RESF1: variants seen among roughly 807,000 people sequenced by gnomAD.
RESF1 encodes the protein gonad expressed transcript.
A neutral mutation model predicts 134.7 loss-of-function variants in RESF1; 65 were observed. The observed-to-expected ratio is 0.48, with a 90% CI of 0.40 to 0.59. The LOEUF (loss-of-function observed/expected upper bound fraction) is 0.59. RESF1 is among the 20% of genes least tolerant of loss of function. The probability of loss-of-function intolerance (pLI) is 0.00; values close to 1 mark genes in which losing one functional copy is unlikely to be tolerated. For missense variants in RESF1, 2,274 were observed against 2,002.7 expected, an observed-to-expected ratio of 1.14 and a Z score of -2.59; for synonymous variants, 762 against 702.2, an observed-to-expected ratio of 1.09 and a Z score of -1.35.
intron 5 of RESF1, among the ~76,000 whole-genome samples, chr12:31,991,382 T>C (rs1273441273): frequency 6.6e-6 from 1 of 152,116 alleles, no homozygotes; most frequent in African/African-American, 2.4e-5. Context: ...AACGAAAAAG[T>C]GGAAGACTGC....
At chr12:31,973,377 A>G (rs1939557412) in intron 3 of RESF1, among the ~76,000 whole-genome samples, 1 of 151,764 alleles carries the variant, frequency 6.6e-6, no homozygotes, top group African/African-American at 2.4e-5. Flanking sequence ...GTACAGTCAT[A>G]GCACATTACA....
At chr12:31,974,618 C>T (rs927056067) in intron 3 of RESF1, among the ~76,000 whole-genome samples, 1 of 151,974 alleles carries the variant, frequency 6.6e-6, no homozygotes, top group Non-Finnish European at 1.5e-5. Context: ...CTCACTTAAC[C>T]AATTATCTCC....
intron 2 of RESF1, among the ~76,000 whole-genome samples, chr12:31,961,881 A>G (rs963482539): frequency 1.3e-5 from 2 of 152,162 alleles, no homozygotes; most frequent in Admixed American, 1.3e-4. Flanking sequence ...AGTGTCTTGG[A>G]TATAATTGGA....
intron 3 of RESF1, among the ~76,000 whole-genome samples, chr12:31,977,823 G>C (rs1253375801): frequency 2.0e-5 from 1 of 49,302 alleles, no homozygotes; most frequent in Non-Finnish European, 4.3e-5. Flanking sequence ...TTTTTTTTTT[G>C]AGACAAGAGC....
At position 31,984,778 on chromosome 12, in the gene RESF1, G is replaced by C. The variant is rs138395042; in HGVS notation, c.3823G>C (p.Val1275Leu). 5 of 1,611,968 alleles carry C rather than the reference G, an allele frequency of 3.1e-6. No individual in the cohort carries two copies. Among genetic ancestry groups the C allele is most frequent in the South Asian group, 2.2e-5 (2 of 90,434 alleles). ...CTTACCAAGGACAGAACAAGAATTA[G>C]TTGCTGGTCAGTTTTCATCTAAATG... ...KSLPRTEQEL[V>L]AGQFSSKCDK... Residue 1275 changes from valine to leucine, a missense_variant, in exon 4 of 6, where the codon GTT becomes CTT. Coordinates refer to ENST00000312561, the MANE Select transcript of RESF1 (RefSeq NM_018169.4).
In RESF1 at chr12:31,985,278, T is replaced by C. The variant is rs565070464; in HGVS notation, c.4323T>C (p.Ser1441=). The stretch of plus-strand genomic sequence containing the variant: ...CGAAAGCGAGTTCATCTAAATTTAG[T>C]AGAATTCTAACTCCTAAGGAGTATT... ...VDTKASSSKF[S]RILTPKEYLQ... is the part of the protein sequence containing the mutation. Residue 1441 remains serine, a synonymous_variant, in exon 4 of 6, where the codon AGT becomes AGC. Coordinates refer to ENST00000312561, the MANE Select transcript of RESF1 (RefSeq NM_018169.4). 6.2e-7 allele frequency: 1 copy of C among 1,612,230 alleles called. No individual in the cohort carries two copies. Among genetic ancestry groups the C allele is most frequent in the East Asian group, 2.2e-5 (1 of 44,872 alleles).
intron 1 of RESF1, chr12:31,959,952 A>G (rs1939218794): frequency 6.7e-6 from 1 of 150,256 alleles, no homozygotes; most frequent in South Asian, 2.1e-4. Context: ...GCTGGAGTGA[A>G]AAAGAAAAAT....
intron 2 of RESF1, among the ~76,000 whole-genome samples, chr12:31,969,113 C>CTATTTT (rs778730812): frequency 2.0e-5 from 3 of 152,116 alleles, no homozygotes; most frequent in African/African-American, 4.8e-5. Flanking sequence ...GCTAGTGTTT[C>CTATTTT]TATTTTTATT....
At chr12:31,966,019 G>A (rs1326901031) in intron 2 of RESF1, among the ~76,000 whole-genome samples, 1 of 152,114 alleles carries the variant, frequency 6.6e-6, no homozygotes, top group Admixed American at 6.5e-5. Flanking sequence ...GCTTGTCAGC[G>A]CTTTTCAGAT....
At chr12:31,962,820 G>C (rs979687583) in intron 2 of RESF1, among the ~76,000 whole-genome samples, 1 of 152,188 alleles carries the variant, frequency 6.6e-6, no homozygotes, top group Non-Finnish European at 1.5e-5. Context: ...GATCAGGGTC[G>C]GGTGCGGTGG....
chr12:31,985,457 G>T lies in RESF1; in HGVS notation c.4502G>T (p.Gly1501Val). The change falls in exon 4 of 6, where the codon GGC (glycine) becomes GTC (valine). Residue 1501 changes from glycine (G) to valine (V), a missense_variant. By Grantham distance (109) the Gly-to-Val change is moderately radical. Transcript: ENST00000312561. ...AAATCAAATGAGAAACACAGCAGCG[G>T]CGTGCAGACCTCTAAAGAATCATTA... The part of the protein sequence containing the change: ...CGKSNEKHSS[G>V]VQTSKESLNG... The T allele has an allele frequency of 6.2e-7, 1 of 1,608,992 alleles. No individual in the cohort carries two copies. The highest frequency in any genetic ancestry group is 1.1e-5 in the South Asian group (1 of 89,876).
rs147703322 is a variant in RESF1, at chr12:31,967,201, T to TG, written c.-246-2987dup. On this transcript the variant is annotated intron_variant, in intron 2 of 5. Coordinates refer to ENST00000312561, the MANE Select transcript of RESF1 (RefSeq NM_018169.4). ...CTGGGGATACTGATCTTGATTTTGC[T>TG]GTTGGACTTAGTAATATATGAATCC... is the stretch of plus-strand genomic sequence containing the variant. 5.7e-3 allele frequency among the ~76,000 whole-genome samples: 862 copies of TG among 152,334 alleles called. 8 individuals are homozygous for TG. Among genetic ancestry groups the TG allele is most frequent in the African/African-American group, 0.02 (816 of 41,570 alleles).
In RESF1 at chr12:31,985,895, ACT is replaced by A. The variant is rs762794350; in HGVS notation, c.4943_4944del (p.Ser1648CysfsTer12). 9.2e-6 allele frequency: 14 copies of A among 1,522,538 alleles called. No individual in the cohort carries two copies. The highest frequency in any genetic ancestry group is 4.2e-5 in the African/African-American group (3 of 71,196). The allele number at this position is 1,522,538 out of a possible 1,614,324, so 94.3% of individuals were successfully genotyped here. ...CCAGATATCTTACTAAAGAATACAA[ACT>A]CTGTGGAAGAACGGAAGGATGTAAA... On this transcript the variant is annotated frameshift_variant, in exon 4 of 6. Transcript: ENST00000312561. LOFTEE classifies it high-confidence loss of function.
intron 2 of RESF1, among the ~76,000 whole-genome samples, chr12:31,965,647 G>A (rs1334688370): frequency 6.6e-6 from 1 of 152,162 alleles, no homozygotes; most frequent in Non-Finnish European, 1.5e-5. Flanking sequence ...TCTATCTCCA[G>A]TGGCAGAAAA....
At position 31,984,850 on chromosome 12, in the gene RESF1, T is replaced by A; in HGVS notation, c.3895T>A (p.Phe1299Ile). 1 of 1,602,598 alleles carries A rather than the reference T, an allele frequency of 6.2e-7. No individual in the cohort carries two copies. The highest frequency in any genetic ancestry group is 8.5e-7 in the Non-Finnish European group (1 of 1,177,358). Residue 1299 changes from phenylalanine to isoleucine, a missense_variant, in exon 4 of 6, where the codon TTT (phenylalanine) becomes ATT (isoleucine). Coordinates refer to ENST00000312561, the MANE Select transcript of RESF1 (RefSeq NM_018169.4). ...LQNHKRKKLRFHEVTFHSSNK... is the reference protein window; with the variant it reads ...LQNHKRKKLRIHEVTFHSSNK... Reference sequence around the variant, plus strand: ...AAATCACAAAAGAAAAAAATTGAGGTTTCACGAGGTAACCTTTCACTCCAG... The same window carrying A: ...AAATCACAAAAGAAAAAAATTGAGGATTCACGAGGTAACCTTTCACTCCAG...
chr12:31,988,074 G>A (rs1023610869), intron 5 of RESF1, among the ~76,000 whole-genome samples: 5 of 152,118 alleles, frequency 3.3e-5, no homozygotes, highest in African/African-American at 7.2e-5. Flanking sequence ...CAGCAGGCTG[G>A]ACTTAGTTTG....
intron 3 of RESF1, among the ~76,000 whole-genome samples, chr12:31,980,486 A>G (rs1055541683): frequency 1.7e-4 from 26 of 152,228 alleles, no homozygotes; most frequent in Non-Finnish European, 3.4e-4. Flanking sequence ...CGAATGAACA[A>G]TGAGAATGTT....
At chr12:31,970,065 A>G (rs1222994760) in intron 2 of RESF1, 124 bp from the exon 3 acceptor site, 2 of 152,202 alleles carry the variant, frequency 1.3e-5, no homozygotes, top group East Asian at 1.9e-4. Flanking sequence ...TGGGTTGACA[A>G]CTTTTCAGTT....
At chr12:31,973,616 G>A (rs772059803) in intron 3 of RESF1, among the ~76,000 whole-genome samples, 3 of 151,850 alleles carry the variant, frequency 2.0e-5, no homozygotes, top group Admixed American at 6.6e-5. Context: ...AATTTAGGTC[G>A]TTCCGGAGTG....
Sources: allele counts gnomAD v4.1 joint callset (sites outside exome capture counted in the v4.1 genomes callset), GRCh38; gene constraint gnomAD v4.1.1; transcripts MANE v1.5; gene names NCBI Gene and HGNC (gene_info 2026-07-23, HGNC 2026-07-21).